Variants in MACROD2 observed in about 807,000 individuals in gnomAD.
MACROD2 encodes the protein ADP-ribose glycohydrolase MACROD2.
Under a neutral mutation model 70.4 loss-of-function variants are expected in MACROD2, and 36 were observed. The ratio of observed to expected loss-of-function variants is 0.51; its 90% CI spans 0.39 to 0.68. The LOEUF (loss-of-function observed/expected upper bound fraction) is 0.68. Among genes scored for constraint, MACROD2 ranks in the 30% least tolerant of loss-of-function variants. MACROD2 has a pLI of 0.00. For synonymous variants in MACROD2, 172 were observed against 178.8 expected (o/e 0.96, Z 0.30); for missense variants, 496 against 538.4 (o/e 0.92, Z 0.78).
rs185851752 is a variant in MACROD2 at position 15,436,415 on chromosome 20, A to G, written c.571+4980A>G. Among the ~76,000 whole-genome samples the G allele has an allele frequency of 2.2e-5, 3 of 137,124 alleles. 1 individual carries two copies. In the East Asian group the frequency reaches 5.8e-4, roughly 27 times the overall value. The allele number at this position is 137,124 out of a possible 152,430, so 90.0% of individuals were successfully genotyped here. A position where few individuals can be genotyped will look rare whatever the true frequency, so the allele number is the denominator to read the frequency against. On this transcript the variant is annotated intron_variant, in intron 7 of 17. Coordinates refer to ENST00000684519, the MANE Select transcript of MACROD2 (RefSeq NM_001351661.2). ...CTCATGAGACCCATTAACTATCACA[A>G]CAACAGCAAAGGGAAGACCCACCCA...
intron 2 of MACROD2, among the ~76,000 whole-genome samples, chr20:14,061,949 T>C (rs191765498): frequency 5.0e-4 from 76 of 152,284 alleles, no homozygotes; most frequent in African/African-American, 1.8e-3. Context: ...ACTTGCTAAA[T>C]CCTGATGTCT....
intron 5 of MACROD2, among the ~76,000 whole-genome samples, chr20:15,033,079 T>C (rs2075287546): frequency 6.6e-6 from 1 of 151,954 alleles, no homozygotes; most frequent in Non-Finnish European, 1.5e-5. Context: ...CAGGGGAGGA[T>C]GGGGCGTTAT....
intron 6 of MACROD2, among the ~76,000 whole-genome samples, chr20:15,302,387 C>CACACACGACAT (rs6147301): frequency 3.8e-4 from 57 of 150,496 alleles, no homozygotes; most frequent in African/African-American, 9.5e-4. Context: ...CACACATACA[C>CACACACGACAT]ACATACAGAT....
intron 5 of MACROD2, among the ~76,000 whole-genome samples, chr20:14,774,172 C>T (rs545522876): frequency 1.3e-5 from 2 of 152,050 alleles, no homozygotes; most frequent in Admixed American, 6.6e-5. Flanking sequence ...GAAAGAAAAA[C>T]GGCAGCATTA....
chr20:15,706,331 A>G (rs1310941393), intron 8 of MACROD2, among the ~76,000 whole-genome samples: 1 of 152,208 alleles, frequency 6.6e-6, no homozygotes, highest in Non-Finnish European at 1.5e-5. Flanking sequence ...GTAAAGTGAA[A>G]GGGTTGAAGT....
intron 4 of MACROD2, among the ~76,000 whole-genome samples, chr20:14,679,869 G>C (rs1415655119): frequency 3.9e-5 from 6 of 152,098 alleles, no homozygotes; most frequent in Admixed American, 3.9e-4. Context: ...CATACCAATA[G>C]TAACTAGGAA....
chr20:14,026,185 C>G lies in MACROD2; in HGVS notation c.163+23781C>G, dbSNP rs557564666. ...TTGCAACCCCTGTTTTATTTTTTTG[C>G]TTTCCATTTGCTCGTTAAATCTTCC... On this transcript the variant is annotated intron_variant, in intron 2 of 17. Transcript: ENST00000684519. Among the ~76,000 whole-genome samples the G allele has an allele frequency of 5.9e-5, 9 of 152,076 alleles. No individual in the cohort carries two copies. In the South Asian group the frequency reaches 8.3e-4, roughly 14 times the overall value.
At chr20:15,859,971 T>C (rs1216544444) in intron 8 of MACROD2, among the ~76,000 whole-genome samples, 1 of 152,026 alleles carries the variant, frequency 6.6e-6, no homozygotes, top group Non-Finnish European at 1.5e-5. Flanking sequence ...CTGTCTCTAC[T>C]AAAAATACAA....
chr20:14,676,603 A>G (rs1227808494), intron 4 of MACROD2, among the ~76,000 whole-genome samples: 1 of 152,194 alleles, frequency 6.6e-6, no homozygotes, highest in Non-Finnish European at 1.5e-5. Context: ...AAATGCCCAC[A>G]GGAGAAAGTG....
intron 5 of MACROD2, among the ~76,000 whole-genome samples, chr20:15,158,715 T>G (rs758306768): frequency 2.0e-5 from 3 of 152,166 alleles, no homozygotes; most frequent in Non-Finnish European, 4.4e-5. Flanking sequence ...ATTAGTCATT[T>G]TCTTGAAGGA....
chr20:14,363,816 C>CAAAAAAA (rs569929488), intron 3 of MACROD2, among the ~76,000 whole-genome samples: 82 of 71,558 alleles, frequency 1.1e-3, no homozygotes, highest in Admixed American at 2.8e-3. Flanking sequence ...GACTCTGTCT[C>CAAAAAAA]AAAAAAAAAA....
chr20:14,233,945 G>A (rs921988605), intron 3 of MACROD2, among the ~76,000 whole-genome samples: 4 of 152,058 alleles, frequency 2.6e-5, no homozygotes, highest in East Asian at 1.9e-4. Flanking sequence ...TTTTAGGGCC[G>A]TGAAACTATT....
chr20:14,678,100 G>A (rs1022582871), intron 4 of MACROD2, among the ~76,000 whole-genome samples: 2 of 152,180 alleles, frequency 1.3e-5, no homozygotes, highest in Admixed American at 6.5e-5. Flanking sequence ...GTTCCACACA[G>A]TCATTTAGGG....
At chr20:14,911,349 A>G (rs2074025076) in intron 5 of MACROD2, among the ~76,000 whole-genome samples, 1 of 151,984 alleles carries the variant, frequency 6.6e-6, no homozygotes, top group Non-Finnish European at 1.5e-5. Flanking sequence ...TTGTATAGCT[A>G]TCAATGGCTA....
At chr20:14,570,982 T>C (rs1227745243) in intron 4 of MACROD2, among the ~76,000 whole-genome samples, 1 of 152,066 alleles carries the variant, frequency 6.6e-6, no homozygotes, top group Non-Finnish European at 1.5e-5. Flanking sequence ...TGAGCAGTGA[T>C]TCTGAAACTT....
At chr20:14,863,963 A>G (rs1037179420) in intron 5 of MACROD2, among the ~76,000 whole-genome samples, 5 of 152,010 alleles carry the variant, frequency 3.3e-5, no homozygotes. Flanking sequence ...TCAAATCTGT[A>G]TTTTTAATAA....
intron 5 of MACROD2, among the ~76,000 whole-genome samples, chr20:14,706,700 A>G (rs1180885757): frequency 6.6e-6 from 1 of 152,008 alleles, no homozygotes; most frequent in African/African-American, 2.4e-5. Context: ...GCTCCGCTTT[A>G]TTCTTCCTGA....
intron 9 of MACROD2, among the ~76,000 whole-genome samples, chr20:15,869,232 T>TAGAG (rs1282844011): frequency 0.016 from 515 of 33,042 alleles, 7 homozygotes; most frequent in East Asian, 0.068. Flanking sequence ...TATATATATA[T>TAGAG]ATATATAGAG....
At chr20:14,653,122 C>G (rs757005355) in intron 4 of MACROD2, among the ~76,000 whole-genome samples, 1 of 152,012 alleles carries the variant, frequency 6.6e-6, no homozygotes, top group Non-Finnish European at 1.5e-5. Flanking sequence ...GTGATCATGG[C>G]TCACTGCAGC....
Sources: allele counts gnomAD v4.1 joint callset (sites outside exome capture counted in the v4.1 genomes callset), GRCh38; gene constraint gnomAD v4.1.1; transcripts MANE v1.5; gene names NCBI Gene and HGNC (gene_info 2026-07-23, HGNC 2026-07-21).